CA5A: variants seen among roughly 807,000 people sequenced by gnomAD.
CA5A encodes carbonic anhydrase 5A, mitochondrial.
In CA5A, 28 loss-of-function variants were observed where a neutral mutation model predicts 37.1. The observed-to-expected ratio is 0.75, with a 90% CI of 0.56 to 1.03. The LOEUF is 1.03. Among genes scored for constraint, CA5A ranks in the 50% least tolerant of loss-of-function variants. The pLI, the probability that CA5A is intolerant of heterozygous loss-of-function variation, is 0.00. For missense variants in CA5A, 444 were observed against 399.9 expected (o/e 1.11, Z -0.94); for synonymous variants, 171 against 158.4 (o/e 1.08, Z -0.60).
downstream of CA5A, chr16:87,883,305 G>A (rs1236009262): frequency 6.7e-6 from 1 of 150,140 alleles, no homozygotes; most frequent in East Asian, 2.0e-4. Context: ...TTACAGGCGT[G>A]AGCCACCGCG....
chr16:87,910,084 AAAACAAAC>A (rs138700597), intron 2 of CA5A, among the ~76,000 whole-genome samples: 9 of 151,778 alleles, frequency 5.9e-5, no homozygotes, highest in Non-Finnish European at 1.3e-4. Flanking sequence ...GAAGCACTCT[AAAACAAAC>A]AAACAAACAA....
chr16:87,912,175 G>A (rs1333846710), intron 2 of CA5A, among the ~76,000 whole-genome samples: 6 of 152,100 alleles, frequency 3.9e-5, no homozygotes, highest in African/African-American at 1.2e-4. Flanking sequence ...GGTGGCACGC[G>A]ACTGTAGTGC....
intron 3 of CA5A, among the ~76,000 whole-genome samples, chr16:87,904,079 C>A (rs7186692): frequency 6.6e-6 from 1 of 152,010 alleles, no homozygotes; most frequent in East Asian, 1.9e-4. Flanking sequence ...CGGTGGCTCA[C>A]GCCTGTTATC....
chr16:87,927,856 C>CAAA (rs569544193), intron 1 of CA5A, among the ~76,000 whole-genome samples: 26 of 78,958 alleles, frequency 3.3e-4, no homozygotes, highest in African/African-American at 1.1e-3. Flanking sequence ...GACTCTGCCT[C>CAAA]AAAAAAAAAA....
intron 2 of CA5A, among the ~76,000 whole-genome samples, chr16:87,922,305 C>G (rs1567533201): frequency 6.6e-6 from 1 of 151,888 alleles, no homozygotes; most frequent in African/African-American, 2.4e-5. Context: ...CGAGGCTGTT[C>G]CTGAGGAGGG....
rs190566753 is a variant in CA5A at position 87,890,985 on chromosome 16, G to A, written c.774+814C>T. On this transcript the variant is annotated intron_variant, in intron 6 of 6. Coordinates refer to ENST00000649794, the MANE Select transcript of CA5A (RefSeq NM_001739.2). The stretch of plus-strand genomic sequence containing the variant: ...AATTTTGTAGATTTAGTAGAGACGG[G>A]GTTTCACCATGTTGGTCAGGCTGGT... 5.3e-3 allele frequency among the ~76,000 whole-genome samples: 798 copies of A among 151,918 alleles called. 21 individuals are homozygous for A. Among genetic ancestry groups the A allele is most frequent in the East Asian group, 9.3e-3 (48 of 5,148 alleles).
chr16:87,893,422 C>T (rs1567515576), intron 5 of CA5A: 8 of 504,264 alleles, frequency 1.6e-5, no homozygotes, highest in East Asian at 5.2e-5. Flanking sequence ...CCACCACGCC[C>T]GGCTTGCCTG....
Position 87,929,942 on chromosome 16 carries a change from G to C in CA5A, c.143-2997C>G, listed in dbSNP as rs1009436588. ...AGTAGAATGTACAATACATTTTTAA[G>C]TTAAAGATTGCAAAATCGCAGAATG... On this transcript the variant is annotated intron_variant, in intron 1 of 6. Coordinates refer to ENST00000649794, the MANE Select transcript of CA5A (RefSeq NM_001739.2). Among the ~76,000 whole-genome samples, 5 of 147,692 alleles carry C rather than the reference G, an allele frequency of 3.4e-5. No individual in the cohort carries two copies. In the East Asian group the frequency reaches 1.0e-3, roughly 29 times the overall value.
In CA5A at chr16:87,914,577, C is replaced by T. The variant is rs369284428; in HGVS notation, c.341-9673G>A. On this transcript the variant is annotated intron_variant, in intron 2 of 6. Transcript: ENST00000649794. ...ACACAGCTAGAGCCACTCACTGGCC[C>T]CTGCAGGGGAGCAACGCAGTGGGGA... 1.2e-4 allele frequency among the ~76,000 whole-genome samples: 18 copies of T among 152,226 alleles called. No homozygotes were observed. In the East Asian group the frequency reaches 3.3e-3, roughly 28 times the overall value.
chr16:87,904,912 T>C lies in CA5A; in HGVS notation c.341-8A>G. ...AGGGCCCACCACTAATTCCTGGAAA[T>C]AAAGGCAGTGAGACGTGTGTGTCAT... On this transcript the variant is annotated splice_region_variant and splice_polypyrimidine_tract_variant and intron_variant, in intron 2 of 6. Coordinates refer to ENST00000649794, the MANE Select transcript of CA5A (RefSeq NM_001739.2). 1 of 1,562,312 alleles carries C rather than the reference T, an allele frequency of 6.4e-7. No individual in the cohort carries two copies. The highest frequency in any genetic ancestry group is 8.8e-7 in the Non-Finnish European group (1 of 1,132,654).
rs757478646 is a variant in CA5A, at chr16:87,891,933, G to T, written c.640C>A (p.Pro214Thr). The change falls in exon 6 of 7, where the codon CCC becomes ACC. Residue 214 changes from proline to threonine, a missense_variant. Physicochemically the swap from Pro to Thr is conservative, Grantham distance 38 (BLOSUM62 -1). Coordinates refer to ENST00000649794, the MANE Select transcript of CA5A (RefSeq NM_001739.2). ...GGCAGCAGAGTGGAGGGGTCGAAGG[G>T]GCGCATGGCCGCCCGCGCGTCCTGA... ...KHKDARAAMR[P>T]FDPSTLLPTC... is the part of the protein sequence containing the mutation. 6.4e-7 allele frequency: 1 copy of T among 1,554,294 alleles called. No homozygotes were observed. Among genetic ancestry groups the T allele is most frequent in the Non-Finnish European group, 8.7e-7 (1 of 1,151,178 alleles).
intron 2 of CA5A, among the ~76,000 whole-genome samples, chr16:87,905,934 C>T (rs1188913765): frequency 1.3e-5 from 2 of 152,210 alleles, no homozygotes. Flanking sequence ...AGGCCTCTGG[C>T]TCTGGCCCCC....
chr16:87,901,935 T>G lies in CA5A; in HGVS notation c.595A>C (p.Ile199Leu), dbSNP rs769123644. 1 of 1,613,612 alleles carries G rather than the reference T, an allele frequency of 6.2e-7. No homozygotes were observed. Among genetic ancestry groups the G allele is most frequent in the East Asian group, 2.2e-5 (1 of 44,858 alleles). Residue 199 changes from isoleucine to leucine, a missense_variant, in exon 5 of 7, where the codon ATC becomes CTC. By Grantham distance (5) the Ile-to-Leu change is conservative. Transcript: ENST00000649794. ...ACCTTATGTTTTATTTCCGGCAAGA[T>G]GTCCACCAGCCTCTGCAGCGTCTGA... ...HHQTLQRLVD[I>L]LPEIKHKDAR...
At chr16:87,890,014 A>T (rs1225994907) in intron 6 of CA5A, among the ~76,000 whole-genome samples, 2 of 152,156 alleles carry the variant, frequency 1.3e-5, no homozygotes, top group Admixed American at 1.3e-4. Flanking sequence ...GTGCTCATCC[A>T]CATTTGTGGT....
intron 1 of CA5A, among the ~76,000 whole-genome samples, chr16:87,932,686 A>T (rs1462949164): frequency 6.6e-6 from 1 of 151,962 alleles, no homozygotes; most frequent in Admixed American, 6.5e-5. Flanking sequence ...GGGACATGGA[A>T]TCAAAGACGC....
intron 5 of CA5A, chr16:87,893,462 A>G (rs2055754684): frequency 1.8e-6 from 1 of 544,844 alleles, no homozygotes; most frequent in Non-Finnish European, 3.6e-6. Flanking sequence ...CTTACCAATG[A>G]GGGCATCCAG....
chr16:87,932,369 G>A (rs993412544), intron 1 of CA5A, among the ~76,000 whole-genome samples: 4 of 152,162 alleles, frequency 2.6e-5, no homozygotes, highest in South Asian at 2.1e-4. Context: ...TGGGAAGAGC[G>A]GGTAATTTTA....
intron 5 of CA5A, among the ~76,000 whole-genome samples, chr16:87,900,997 G>A (rs1452970640): frequency 2.6e-5 from 4 of 152,248 alleles, no homozygotes; most frequent in South Asian, 2.1e-4. Context: ...ACGCCAAGGC[G>A]GGCGGATCAC....
chr16:87,921,461 C>G (rs1302067528), intron 2 of CA5A, among the ~76,000 whole-genome samples: 2 of 152,192 alleles, frequency 1.3e-5, no homozygotes, highest in Non-Finnish European at 2.9e-5. Flanking sequence ...GGCCTTTGCA[C>G]AGCCATGGAA....
Sources: allele counts gnomAD v4.1 joint callset (sites outside exome capture counted in the v4.1 genomes callset), GRCh38; gene constraint gnomAD v4.1.1; transcripts MANE v1.5; gene names NCBI Gene and HGNC (gene_info 2026-07-23, HGNC 2026-07-21).